The following MYO10 variants were observed in gnomAD, a reference collection of about 807,000 sequenced individuals.
MYO10 encodes myosin X.
MYO10 carries 133 observed loss-of-function variants against 257.3 expected under a neutral mutation model. The observed-to-expected ratio is 0.52, with a 90% CI of 0.45 to 0.60. The LOEUF is 0.60. Among genes scored for constraint, MYO10 ranks in the 20% least tolerant of loss-of-function variants. The pLI is 0.00. For missense variants in MYO10, 2,399 were observed against 2,635.7 expected (o/e 0.91, Z 1.97); for synonymous variants, 1,104 against 1,028.6 (o/e 1.07, Z -1.40).
At chr5:16,896,678 G>A (rs984807997) in intron 1 of MYO10, among the ~76,000 whole-genome samples, 1 of 152,170 alleles carries the variant, frequency 6.6e-6, no homozygotes, top group Admixed American at 6.6e-5. Context: ...CAGTACCCAG[G>A]CACCAATCCA....
At chr5:16,696,126 A>G (rs576346439) in intron 26 of MYO10, among the ~76,000 whole-genome samples, 1 of 152,354 alleles carries the variant, frequency 6.6e-6, no homozygotes, top group South Asian at 2.1e-4. Flanking sequence ...AGTCATCACG[A>G]CAGCTCTCAC....
Position 16,873,722 on chromosome 5 carries a change from G to A in MYO10, c.120+3887C>T, listed in dbSNP as rs572469743. Among the ~76,000 whole-genome samples, 21 of 152,314 alleles carry A rather than the reference G, an allele frequency of 1.4e-4. 1 individual carries two copies. In the East Asian group the frequency reaches 2.1e-3, roughly 15 times the overall value. ...TGTGCACCTGCAGACTCAACAACAC[G>A]TGGAAGCTGCCAAGGCTTGGGGATT... is the stretch of plus-strand genomic sequence containing the variant. On this transcript the variant is annotated intron_variant, in intron 2 of 40. Transcript: ENST00000513610.
intron 9 of MYO10, among the ~76,000 whole-genome samples, chr5:16,777,704 C>T (rs555150706): frequency 3.3e-5 from 5 of 152,140 alleles, no homozygotes; most frequent in Admixed American, 1.3e-4. Context: ...ATACTTCCTA[C>T]CATCAGAGGG....
intron 40 of MYO10, among the ~76,000 whole-genome samples, chr5:16,667,876 C>T (rs1388767616): frequency 2.6e-5 from 4 of 152,164 alleles, no homozygotes; most frequent in African/African-American, 9.7e-5. Context: ...GTCATGCTCC[C>T]GGCTCCCTCC....
In MYO10 at chr5:16,769,083, A is replaced by G; in HGVS notation, c.1051T>C (p.Phe351Leu). Residue 351 changes from phenylalanine (F) to leucine (L), a missense_variant, in exon 10 of 41, where the codon TTC becomes CTC. This residue lies in a region of MYO10 where 337 missense variants were observed against 446.8 expected (regional missense o/e 0.75). Transcript: ENST00000513610. The part of the protein sequence containing the change: ...FITAGGAQVS[F>L]KTALGRSAEL... ...GCAGGCATAATCTTACCTGTTTTGA[A>G]GGAAACCTGTGCCCCACCAGCAGTG... The G allele has an allele frequency of 6.2e-7, 1 of 1,610,428 alleles. No individual in the cohort carries two copies. Among genetic ancestry groups the G allele is most frequent in the Non-Finnish European group, 8.5e-7 (1 of 1,178,744 alleles).
At chr5:16,735,970 G>A (rs772100988) in intron 19 of MYO10, among the ~76,000 whole-genome samples, 1 of 152,132 alleles carries the variant, frequency 6.6e-6, no homozygotes, top group Non-Finnish European at 1.5e-5. Context: ...CCGCAGATCA[G>A]GGCCCCTTTC....
intron 1 of MYO10, among the ~76,000 whole-genome samples, chr5:16,910,508 G>C (rs1047464310): frequency 5.9e-5 from 9 of 152,172 alleles, no homozygotes; most frequent in African/African-American, 2.2e-4. Flanking sequence ...ACGTGAAAAT[G>C]ATGTGAAAAT....
chr5:16,799,599 T>C (rs1041296657), intron 3 of MYO10, among the ~76,000 whole-genome samples: 60 of 152,144 alleles, frequency 3.9e-4, no homozygotes, highest in African/African-American at 1.4e-3. Flanking sequence ...TTCAAGCGAT[T>C]CTCCTGTCTC....
chr5:16,669,881 T>C (rs1265942769), intron 39 of MYO10, among the ~76,000 whole-genome samples: 1 of 152,176 alleles, frequency 6.6e-6, no homozygotes, highest in East Asian at 1.9e-4. Context: ...ATGGTCTCTG[T>C]CACAACTACT....
Position 16,670,990 on chromosome 5 carries a change from C to T in MYO10, c.5431-12G>A, listed in dbSNP as rs372836613. 12 of 1,595,742 alleles carry T rather than the reference C, an allele frequency of 7.5e-6. No homozygotes were observed. Among genetic ancestry groups the T allele is most frequent in the Admixed American group, 5.1e-5 (3 of 59,136 alleles). ...ACCGCTTCGTGGGCCTGAAAGGAGA[C>T]AGTCAACAGCTTTCCGGTCAACGCA... On this transcript the variant is annotated splice_polypyrimidine_tract_variant and intron_variant, in intron 38 of 40. Transcript: ENST00000513610.
intron 4 of MYO10, among the ~76,000 whole-genome samples, chr5:16,792,595 G>C (rs1051297183): frequency 6.6e-6 from 1 of 151,632 alleles, no homozygotes; most frequent in East Asian, 1.9e-4. Context: ...GGGGGCGGGG[G>C]GCTGCTCTAA....
chr5:16,680,865 C>T (rs1174305966), intron 32 of MYO10, among the ~76,000 whole-genome samples: 4 of 152,036 alleles, frequency 2.6e-5, no homozygotes, highest in African/African-American at 7.2e-5. Context: ...TGTGATGGTG[C>T]GTGCCTGTAG....
chr5:16,748,871 G>A (rs1011627695), intron 19 of MYO10, among the ~76,000 whole-genome samples: 4 of 152,040 alleles, frequency 2.6e-5, no homozygotes. Flanking sequence ...GTGGAAGAGA[G>A]GAATACAGGT....
intron 27 of MYO10, 50 bp downstream of exon 27, chr5:16,694,321 G>T: frequency 6.2e-7 from 1 of 1,610,322 alleles, no homozygotes. Context: ...ATGACCACCA[G>T]CATAAACCAT....
At chr5:16,681,056 G>A (rs911064615) in intron 32 of MYO10, among the ~76,000 whole-genome samples, 1 of 152,120 alleles carries the variant, frequency 6.6e-6, no homozygotes, top group Non-Finnish European at 1.5e-5. Context: ...CTTCCCGTAC[G>A]ATGCCCTGCA....
chr5:16,843,255 T>C (rs1743538185), intron 2 of MYO10, among the ~76,000 whole-genome samples: 1 of 152,202 alleles, frequency 6.6e-6, no homozygotes, highest in Non-Finnish European at 1.5e-5. Context: ...CTTCTAATTT[T>C]CTATGGCAAT....
chr5:16,851,886 A>T (rs1230402205), intron 2 of MYO10, among the ~76,000 whole-genome samples: 1 of 151,906 alleles, frequency 6.6e-6, no homozygotes, highest in Non-Finnish European at 1.5e-5. Flanking sequence ...CCCTGTCCGT[A>T]CTAAAAATAC....
chr5:16,863,161 G>T (rs1744153127), intron 2 of MYO10, among the ~76,000 whole-genome samples: 1 of 152,154 alleles, frequency 6.6e-6, no homozygotes, highest in Non-Finnish European at 1.5e-5. Flanking sequence ...ACCAAAGAAG[G>T]TCACGACCCA....
At chr5:16,748,906 G>C (rs1740297814) in intron 19 of MYO10, among the ~76,000 whole-genome samples, 1 of 147,854 alleles carries the variant, frequency 6.8e-6, no homozygotes, top group South Asian at 2.2e-4. Context: ...TATGTGAAAG[G>C]AGCTGACATC....
Sources: allele counts gnomAD v4.1 joint callset (sites outside exome capture counted in the v4.1 genomes callset), GRCh38; gene constraint gnomAD v4.1.1; regional missense constraint gnomAD v4.1.1; transcripts MANE v1.5; gene names NCBI Gene and HGNC (gene_info 2026-07-23, HGNC 2026-07-21).